The following N4BP1 variants were observed in gnomAD, a reference collection of about 807,000 sequenced individuals.
The protein encoded by N4BP1 is NEDD4-binding protein 1.
A neutral mutation model predicts 70.9 loss-of-function variants in N4BP1; 21 were observed. The ratio of observed to expected loss-of-function variants is 0.30; its 90% CI spans 0.21 to 0.43. N4BP1 has a LOEUF of 0.43. Among genes scored for constraint, N4BP1 ranks in the 20% least tolerant of loss-of-function variants. The probability of loss-of-function intolerance (pLI) is 1.00; values close to 1 mark genes in which losing one functional copy is unlikely to be tolerated. For synonymous variants in N4BP1, 387 were observed against 394.6 expected, an observed-to-expected ratio of 0.98 and a Z score of 0.23; for missense variants, 936 against 1,069.4, an observed-to-expected ratio of 0.88 and a Z score of 1.74.
chr16:48,603,824 A>C (rs1964537171), intron 1 of N4BP1: 1 of 152,238 alleles, frequency 6.6e-6, no homozygotes, highest in African/African-American at 2.4e-5. Context: ...ACAGGGTCAA[A>C]GGTCTTGTCC....
At chr16:48,609,132 T>G (rs1180504254) in intron 1 of N4BP1, among the ~76,000 whole-genome samples, 1 of 151,870 alleles carries the variant, frequency 6.6e-6, no homozygotes, top group Admixed American at 6.6e-5. Context: ...GGAGGATCAC[T>G]TGAGCCCGGG....
At chr16:48,572,488 A>G (rs1322089925) in intron 1 of N4BP1, among the ~76,000 whole-genome samples, 3 of 152,226 alleles carry the variant, frequency 2.0e-5, no homozygotes, top group African/African-American at 7.2e-5. Context: ...TTTTCAATCT[A>G]TAATTCTATA....
chr16:48,548,569 G>A (rs1963621090), intron 4 of N4BP1, among the ~76,000 whole-genome samples: 1 of 152,262 alleles, frequency 6.6e-6, no homozygotes, highest in African/African-American at 2.4e-5. Context: ...GGTTCAAGCC[G>A]AGTGTGGTGG....
chr16:48,589,262 T>C (rs966721625), intron 1 of N4BP1, among the ~76,000 whole-genome samples: 1 of 152,086 alleles, frequency 6.6e-6, no homozygotes, highest in African/African-American at 2.4e-5. Context: ...CATCCATAGG[T>C]AGTAGCTTCA....
chr16:48,595,535 T>C (rs1318067458), intron 1 of N4BP1, among the ~76,000 whole-genome samples: 3 of 151,740 alleles, frequency 2.0e-5, no homozygotes, highest in South Asian at 4.1e-4. Flanking sequence ...GTAAAGTACA[T>C]TCTTGTAAAC....
At chr16:48,594,034 C>T (rs983265338) in intron 1 of N4BP1, among the ~76,000 whole-genome samples, 2 of 147,186 alleles carry the variant, frequency 1.4e-5, no homozygotes, top group African/African-American at 5.2e-5. Context: ...AAAAAACCAC[C>T]TAGCTTTAGC....
Position 48,561,664 on chromosome 16 carries a change from A to G in N4BP1, c.979T>C (p.Ser327Pro), listed in dbSNP as rs1567431738. ...AGNVIADLSDSSADSENLSPD... is the reference protein window; with the variant it reads ...AGNVIADLSDPSADSENLSPD... ...CTTAAATTTTCAGAATCAGCAGAAG[A>G]ATCAGATAGGTCAGCTATTACATTT... is the stretch of plus-strand genomic sequence containing the variant. Residue 327 changes from serine to proline, a missense_variant, in exon 2 of 7, where the codon TCT becomes CCT. Ser to Pro is a moderately conservative substitution (Grantham distance 74, BLOSUM62 -1). Transcript: ENST00000262384. 1 of 1,613,482 alleles carries G rather than the reference A, an allele frequency of 6.2e-7. No homozygotes were observed. Among genetic ancestry groups the G allele is most frequent in the East Asian group, 2.2e-5 (1 of 44,874 alleles).
Position 48,609,870 on chromosome 16 carries a change from G to T in N4BP1, c.103C>A (p.Leu35Ile). Residue 35 changes from leucine to isoleucine, a missense_variant, in exon 1 of 7, where the codon CTA (leucine) becomes ATA (isoleucine). Physicochemically the swap from Leu to Ile is conservative, Grantham distance 5. Coordinates refer to ENST00000262384, the MANE Select transcript of N4BP1 (RefSeq NM_153029.4). ...GRIEGLFGVS[L>I]AVLGALGAEE... ...GCCCCTAGCGCGCCGAGCACGGCTA[G>T]GCTCACGCCAAACAGGCCCTCGATA... 1 of 1,485,536 alleles carries T rather than the reference G, an allele frequency of 6.7e-7. No homozygotes were observed. The highest frequency in any genetic ancestry group is 8.9e-7 in the Non-Finnish European group (1 of 1,121,396). 92.0% of individuals were successfully genotyped at this position (1,485,536 alleles called of 1,614,324 possible). A position where few individuals can be genotyped will look rare whatever the true frequency, so the allele number is the denominator to read the frequency against.
chr16:48,570,638 C>T (rs866256776), intron 1 of N4BP1, among the ~76,000 whole-genome samples: 11 of 152,084 alleles, frequency 7.2e-5, no homozygotes, highest in Admixed American at 5.9e-4. Context: ...TACGCCACTG[C>T]GCCCAGCTGG....
intron 1 of N4BP1, among the ~76,000 whole-genome samples, chr16:48,604,584 A>AAC (rs1216582701): frequency 2.3e-5 from 3 of 128,838 alleles, no homozygotes; most frequent in African/African-American, 1.1e-4. Context: ...CAAACAAACA[A>AAC]AAAAAAACAA....
chr16:48,545,139 AT>A (rs892875969), intron 6 of N4BP1, among the ~76,000 whole-genome samples: 1 of 151,818 alleles, frequency 6.6e-6, no homozygotes, highest in African/African-American at 2.4e-5. Context: ...TAATTTTTGC[AT>A]TTTTAGTAGA....
intron 6 of N4BP1, among the ~76,000 whole-genome samples, chr16:48,545,262 G>A (rs1963573016): frequency 6.7e-6 from 1 of 149,786 alleles, no homozygotes; most frequent in Admixed American, 6.7e-5. Flanking sequence ...ACCAAACCCG[G>A]CTTTGTCTTT....
At chr16:48,596,946 G>C (rs1964423325) in intron 1 of N4BP1, among the ~76,000 whole-genome samples, 1 of 152,144 alleles carries the variant, frequency 6.6e-6, no homozygotes, top group Admixed American at 6.5e-5. Flanking sequence ...CAATGGATCA[G>C]CTGACACCAC....
intron 1 of N4BP1, among the ~76,000 whole-genome samples, chr16:48,562,877 A>G (rs2151089943): frequency 6.6e-6 from 1 of 152,298 alleles, no homozygotes; most frequent in South Asian, 2.1e-4. Context: ...TTTTGCTACT[A>G]TTACCCTTGG....
chr16:48,552,699 GAAAAAAAAAAAAAAAAAAAAAAAAAAAAA>G (rs71134556), intron 3 of N4BP1, among the ~76,000 whole-genome samples: 1 of 18,486 alleles, frequency 5.4e-5, no homozygotes, highest in African/African-American at 1.3e-4. Flanking sequence ...CTCCGTCTCA[GAAAAAAAAAAAAAAAAAAAAAAAAAAAAA>G]AAAAAAAAAA....
chr16:48,582,423 T>C (rs906354249), intron 1 of N4BP1, among the ~76,000 whole-genome samples: 2 of 151,284 alleles, frequency 1.3e-5, no homozygotes, highest in East Asian at 3.9e-4. Context: ...AGATCGACTG[T>C]AGCAGTATCT....
At chr16:48,595,833 G>C (rs1002629820) in intron 1 of N4BP1, among the ~76,000 whole-genome samples, 1 of 152,182 alleles carries the variant, frequency 6.6e-6, no homozygotes. Flanking sequence ...CTGACCTGTG[G>C]TAAGTAAAGA....
At chr16:48,546,051 T>A (rs1279149008) in intron 6 of N4BP1, 96 bp downstream of exon 6, 20 of 726,752 alleles carry the variant, frequency 2.8e-5, no homozygotes, top group East Asian at 9.1e-5. Flanking sequence ...ATAATTTTTT[T>A]AATGTCATTT....
chr16:48,608,006 C>G (rs370406026), intron 1 of N4BP1, among the ~76,000 whole-genome samples: 1 of 152,144 alleles, frequency 6.6e-6, no homozygotes, highest in African/African-American at 2.4e-5. Context: ...GGCCTACAGG[C>G]GCGTACCACC....
Sources: gnomAD v4.1 joint callset for allele counts (sites outside exome capture counted in the v4.1 genomes callset) on GRCh38, gnomAD v4.1.1 for gene constraint, MANE v1.5 for transcripts, NCBI Gene and HGNC (gene_info 2026-07-23, HGNC 2026-07-21) for gene names.